KAT6B: variants seen among roughly 807,000 people sequenced by gnomAD.
KAT6B encodes the protein histone acetyltransferase KAT6B.
Under a neutral mutation model 187.5 loss-of-function variants are expected in KAT6B, and 10 were observed. The observed-to-expected ratio is 0.05, with a 90% CI of 0.03 to 0.09. KAT6B has a LOEUF of 0.09. Among genes scored for constraint, KAT6B ranks in the 10% least tolerant of loss-of-function variants. The pLI is 1.00. For synonymous variants in KAT6B, 861 were observed against 926.8 expected, an observed-to-expected ratio of 0.93 and a Z score of 1.29; for missense variants, 1,952 against 2,558.9, an observed-to-expected ratio of 0.76 and a Z score of 5.12.
At chr10:74,895,361 ATATTATTATTAT>A (rs10693929) in intron 3 of KAT6B, among the ~76,000 whole-genome samples, 9 of 149,420 alleles carry the variant, frequency 6.0e-5, no homozygotes, top group Admixed American at 1.3e-4. Context: ...CCCTTTAATC[ATATTATTATTAT>A]TATTATTATT....
At chr10:74,899,303 T>C (rs371301312) in intron 3 of KAT6B, among the ~76,000 whole-genome samples, 9 of 147,132 alleles carry the variant, frequency 6.1e-5, no homozygotes, top group Admixed American at 4.8e-4. Context: ...AGACGGAGTT[T>C]CTTTCTTGTC....
At chr10:74,900,430 A>G (rs999818768) in intron 3 of KAT6B, among the ~76,000 whole-genome samples, 2 of 152,160 alleles carry the variant, frequency 1.3e-5, no homozygotes, top group Middle Eastern at 3.2e-3. Context: ...TCTGTCTGCG[A>G]GTAGGTTTTG....
intron 12 of KAT6B, among the ~76,000 whole-genome samples, chr10:74,986,956 G>T (rs941336968): frequency 6.6e-6 from 1 of 151,196 alleles, no homozygotes; most frequent in Non-Finnish European, 1.5e-5. Context: ...GGTGATTCTT[G>T]AAGTTTGAAT....
At chr10:74,972,801 A>G (rs1462893040) in intron 7 of KAT6B, among the ~76,000 whole-genome samples, 162 bp downstream of exon 7, 1 of 152,130 alleles carries the variant, frequency 6.6e-6, no homozygotes, top group Non-Finnish European at 1.5e-5. Context: ...AATTTTTTGA[A>G]AATAACATTT....
chr10:74,900,763 C>T (rs1846324936), intron 3 of KAT6B, among the ~76,000 whole-genome samples: 1 of 152,208 alleles, frequency 6.6e-6, no homozygotes, highest in African/African-American at 2.4e-5. Flanking sequence ...ATAGCTATCA[C>T]TGCCTACCAC....
At chr10:75,016,591 T>G (rs1030509146) in intron 13 of KAT6B, among the ~76,000 whole-genome samples, 9 of 152,350 alleles carry the variant, frequency 5.9e-5, no homozygotes, top group African/African-American at 2.2e-4. Flanking sequence ...TAAGTGCTGT[T>G]GGCCAGCACC....
chr10:74,911,743 T>TA (rs2090015631), intron 3 of KAT6B, among the ~76,000 whole-genome samples: 1 of 152,214 alleles, frequency 6.6e-6, no homozygotes. Context: ...AATATTTTGA[T>TA]ACATTTTCTA....
At chr10:74,980,749 A>T (rs886371771) in intron 10 of KAT6B, among the ~76,000 whole-genome samples, 4 of 152,258 alleles carry the variant, frequency 2.6e-5, no homozygotes, top group Non-Finnish European at 5.9e-5. Context: ...ATATGGAAAT[A>T]AAAAATGTTC....
intron 3 of KAT6B, among the ~76,000 whole-genome samples, chr10:74,939,029 G>A (rs1849465274): frequency 1.3e-5 from 2 of 150,372 alleles, no homozygotes; most frequent in South Asian, 2.1e-4. Flanking sequence ...GAGCTGCCGT[G>A]CCCAGCCCCT....
Position 74,975,930 on chromosome 10 carries a change from G to A in KAT6B, c.1593G>A (p.Leu531=). The A allele has an allele frequency of 1.4e-5, 22 of 1,614,034 alleles. No individual in the cohort carries two copies. Among genetic ancestry groups the A allele is most frequent in the South Asian group, 2.2e-5 (2 of 91,074 alleles). Residue 531 remains leucine, a synonymous_variant, in exon 8 of 18, where the codon CTG becomes CTA. Coordinates refer to ENST00000287239, the MANE Select transcript of KAT6B (RefSeq NM_012330.4). ...CCAGCCAGTGCAGTGTGCCCTCCCTGAGCAGCCTTACCACTAACAGCCAGC... is the reference window on the plus strand; with the variant it reads ...CCAGCCAGTGCAGTGTGCCCTCCCTAAGCAGCCTTACCACTAACAGCCAGC... ...SSSSQCSVPS[L]SSLTTNSQLK...
intron 3 of KAT6B, among the ~76,000 whole-genome samples, chr10:74,906,182 C>T (rs12259504): frequency 0.024 from 3,724 of 152,182 alleles, 152 homozygotes; most frequent in African/African-American, 0.085. Flanking sequence ...GGTGGATCAC[C>T]TGAGGTCAGG....
chr10:74,899,677 A>C (rs1034252862), intron 3 of KAT6B, among the ~76,000 whole-genome samples: 9 of 152,158 alleles, frequency 5.9e-5, no homozygotes, highest in African/African-American at 2.2e-4. Flanking sequence ...TTGTTACTCA[A>C]TAGTCACCCT....
intron 3 of KAT6B, among the ~76,000 whole-genome samples, chr10:74,862,417 A>G (rs1843244726): frequency 6.6e-6 from 1 of 152,140 alleles, no homozygotes; most frequent in African/African-American, 2.4e-5. Flanking sequence ...TTTGCTGCAC[A>G]TTAGAATTAC....
At chr10:75,004,940 C>G (rs984443833) in intron 13 of KAT6B, among the ~76,000 whole-genome samples, 8 of 151,944 alleles carry the variant, frequency 5.3e-5, no homozygotes, top group African/African-American at 1.9e-4. Context: ...GTTTCCAACT[C>G]CTGGCTTCAA....
intron 3 of KAT6B, among the ~76,000 whole-genome samples, chr10:74,856,232 C>T (rs1370349500): frequency 1.3e-5 from 2 of 152,104 alleles, no homozygotes; most frequent in East Asian, 1.9e-4. Flanking sequence ...ACTACAGGTG[C>T]GTGCCACCAT....
chr10:74,831,344 A>C lies in KAT6B; in HGVS notation c.-329+4559A>C, dbSNP rs116450419. On this transcript the variant is annotated intron_variant, in intron 1 of 17. Coordinates refer to ENST00000287239, the MANE Select transcript of KAT6B (RefSeq NM_012330.4). Reference sequence around the variant, plus strand: ...AATGGAGTCAAATTTATTGGTCTTTACTTTATGGTTAGTGCCTTTTGTGTC... The same window carrying C: ...AATGGAGTCAAATTTATTGGTCTTTCCTTTATGGTTAGTGCCTTTTGTGTC... Among the ~76,000 whole-genome samples the C allele has an allele frequency of 2.7e-3, 415 of 152,196 alleles. 2 individuals are homozygous for C. Among genetic ancestry groups the C allele is most frequent in the African/African-American group, 9.6e-3 (399 of 41,532 alleles).
At chr10:74,987,637 T>C (rs1842895187) in intron 12 of KAT6B, among the ~76,000 whole-genome samples, 1 of 152,180 alleles carries the variant, frequency 6.6e-6, no homozygotes, top group Non-Finnish European at 1.5e-5. Flanking sequence ...ACATAATAGA[T>C]GGCTGTAAAC....
At position 75,032,006 on chromosome 10, in the gene KAT6B, A is replaced by G. The variant is rs1846346260; in HGVS notation, c.*960A>G. 2 of 193,566 alleles carry G rather than the reference A, an allele frequency of 1.0e-5. No homozygotes were observed. Among genetic ancestry groups the G allele is most frequent in the Admixed American group, 6.1e-5 (1 of 16,386 alleles). The allele number at this position is 193,566 out of a possible 1,614,324, so 12.0% of individuals were successfully genotyped here. On this transcript the variant is annotated 3_prime_UTR_variant, in exon 18 of 18. Transcript: ENST00000287239. ...TTGGAGTTATTTTTTAAGGAAAAAT[A>G]GAAAAGTAGCTTGTGAATAGCTCAA...
chr10:74,895,025 A>G (rs2132684322), intron 3 of KAT6B, among the ~76,000 whole-genome samples: 1 of 151,236 alleles, frequency 6.6e-6, no homozygotes, highest in East Asian at 1.9e-4. Context: ...AGCAGTGCAC[A>G]GAGATTACCA....
Sources: gnomAD v4.1 joint callset for allele counts (sites outside exome capture counted in the v4.1 genomes callset) on GRCh38, gnomAD v4.1.1 for gene constraint, MANE v1.5 for transcripts, NCBI Gene and HGNC (gene_info 2026-07-23, HGNC 2026-07-21) for gene names.